The following MAD1L1 variants were observed in gnomAD, a reference collection of about 807,000 sequenced individuals.
The protein encoded by MAD1L1 is mitotic spindle assembly checkpoint protein MAD1.
In MAD1L1, 95 loss-of-function variants were observed where a neutral mutation model predicts 96.9. That is an observed-to-expected ratio of 0.98 (90% confidence interval 0.83 to 1.16). MAD1L1 has a LOEUF of 1.16. Among genes scored for constraint, MAD1L1 ranks in the 50% most tolerant of loss-of-function variants. MAD1L1 has a pLI of 0.00. For synonymous variants in MAD1L1, 473 were observed against 396.6 expected (o/e 1.19, Z -2.29); for missense variants, 1,007 against 954.4 (o/e 1.06, Z -0.73).
intron 14 of MAD1L1, among the ~76,000 whole-genome samples, chr7:1,983,476 C>G (rs993895486): frequency 2.0e-5 from 3 of 152,146 alleles, no homozygotes; most frequent in African/African-American, 4.8e-5. Flanking sequence ...GGTAACATTT[C>G]CCTAAAACGT....
chr7:1,916,794 C>G (rs993457931), intron 17 of MAD1L1, among the ~76,000 whole-genome samples: 1 of 152,124 alleles, frequency 6.6e-6, no homozygotes, highest in Non-Finnish European at 1.5e-5. Context: ...CCAGGCTGGG[C>G]TCCCAGGAAC....
intron 18 of MAD1L1, among the ~76,000 whole-genome samples, chr7:1,857,344 G>A (rs1784308460): frequency 6.6e-6 from 1 of 152,138 alleles, no homozygotes; most frequent in African/African-American, 2.4e-5. Context: ...TCGGGGGGCG[G>A]CACAAGGTAG....
intron 11 of MAD1L1, among the ~76,000 whole-genome samples, chr7:2,089,689 G>A (rs56344650): frequency 0.05 from 7,023 of 141,790 alleles, 223 homozygotes; most frequent in South Asian, 0.096. Flanking sequence ...ACCCCATCAC[G>A]TGCATCGTGT....
intron 13 of MAD1L1, among the ~76,000 whole-genome samples, chr7:2,007,991 GA>G (rs1443360708): frequency 6.6e-6 from 1 of 152,250 alleles, no homozygotes; most frequent in Non-Finnish European, 1.5e-5. Context: ...CTGTTTACGT[GA>G]AGTTCCAAGA....
intron 18 of MAD1L1, among the ~76,000 whole-genome samples, chr7:1,853,794 C>G (rs1285137511): frequency 1.3e-5 from 2 of 152,122 alleles, no homozygotes; most frequent in African/African-American, 4.8e-5. Flanking sequence ...CTCTGCACCC[C>G]CTCCCAACCT....
intron 15 of MAD1L1, among the ~76,000 whole-genome samples, chr7:1,963,425 G>C (rs767381523): frequency 2.6e-5 from 4 of 152,236 alleles, no homozygotes; most frequent in Admixed American, 2.6e-4. Context: ...GGGGTGGGGA[G>C]AGGAGGCAGG....
intron 16 of MAD1L1, among the ~76,000 whole-genome samples, chr7:1,953,409 A>G (rs1779587586): frequency 1.3e-5 from 2 of 152,224 alleles, no homozygotes; most frequent in Admixed American, 1.3e-4. Flanking sequence ...AGGGAGGAGC[A>G]GGCAGGTGGG....
chr7:2,135,822 G>C (rs553191630), intron 11 of MAD1L1, among the ~76,000 whole-genome samples: 61 of 152,380 alleles, frequency 4.0e-4, no homozygotes, highest in Middle Eastern at 6.8e-3. Flanking sequence ...CCTCAGCAGA[G>C]ACCTGAATCT....
intron 11 of MAD1L1, among the ~76,000 whole-genome samples, chr7:2,113,699 G>A (rs1189771942): frequency 3.3e-5 from 5 of 152,170 alleles, no homozygotes; most frequent in Admixed American, 2.6e-4. Context: ...CCAGGTGACC[G>A]GAGTGACCAC....
chr7:1,873,281 G>C (rs1301173028), intron 18 of MAD1L1, among the ~76,000 whole-genome samples: 2 of 152,230 alleles, frequency 1.3e-5, no homozygotes, highest in African/African-American at 2.4e-5. Flanking sequence ...GCTGGGGCGC[G>C]AGTCCGGGTC....
intron 11 of MAD1L1, among the ~76,000 whole-genome samples, chr7:2,117,566 C>T (rs970512310): frequency 2.0e-5 from 3 of 152,144 alleles, no homozygotes; most frequent in African/African-American, 7.2e-5. Context: ...AGTGAGCTCT[C>T]GAGAGAGGTG....
intron 12 of MAD1L1, among the ~76,000 whole-genome samples, chr7:2,033,886 C>T (rs1466441572): frequency 6.6e-6 from 1 of 152,234 alleles, no homozygotes; most frequent in East Asian, 1.9e-4. Flanking sequence ...AGGAGAATCA[C>T]CTGAGACCAG....
At chr7:1,957,767 TG>T (rs1562561707) in intron 15 of MAD1L1, 48 bp from the exon 16 acceptor site, 1 of 1,579,112 alleles carries the variant, frequency 6.3e-7, no homozygotes, top group Admixed American at 1.7e-5. Flanking sequence ...CCAGCCATGC[TG>T]GGGAAGTCCC....
In MAD1L1 at chr7:2,220,867, A is replaced by G. The variant is rs368607347; in HGVS notation, c.472-1411T>C. 5 of 1,592,990 alleles carry G rather than the reference A, an allele frequency of 3.1e-6. No homozygotes were observed. In the African/African-American group the frequency reaches 6.7e-5, roughly 21 times the overall value. ...ACACATCCTCCCAGAGGTCTTCCGA[A>G]CTCAATTAATACGCACCGTGTGCCA... On this transcript the variant is annotated intron_variant, in intron 5 of 18. Coordinates refer to ENST00000265854, the MANE Select transcript of MAD1L1 (RefSeq NM_001013836.2).
intron 18 of MAD1L1, among the ~76,000 whole-genome samples, chr7:1,855,446 A>G (rs1420490846): frequency 6.6e-6 from 1 of 151,950 alleles, no homozygotes; most frequent in Non-Finnish European, 1.5e-5. Context: ...TAACAGCGGG[A>G]GGAAAGGCTG....
intron 15 of MAD1L1, among the ~76,000 whole-genome samples, chr7:1,959,871 G>A (rs1583920088): frequency 6.6e-6 from 1 of 152,242 alleles, no homozygotes; most frequent in East Asian, 1.9e-4. Flanking sequence ...CAGGAGGGCT[G>A]GAACAGCAGC....
chr7:1,831,384 A>T (rs1298288011), intron 18 of MAD1L1, among the ~76,000 whole-genome samples: 2 of 152,172 alleles, frequency 1.3e-5, no homozygotes. Flanking sequence ...TCCACTGACC[A>T]GCCATCCCCC....
intron 18 of MAD1L1, among the ~76,000 whole-genome samples, chr7:1,840,119 T>A (rs183322375): frequency 3.8e-4 from 57 of 151,950 alleles, no homozygotes; most frequent in African/African-American, 1.3e-3. Flanking sequence ...GACATCAGAG[T>A]CATCCCCCAA....
At chr7:1,955,052 C>T (rs574244887) in intron 16 of MAD1L1, among the ~76,000 whole-genome samples, 6 of 152,338 alleles carry the variant, frequency 3.9e-5, no homozygotes, top group South Asian at 2.1e-4. Flanking sequence ...GCCTCAGCAC[C>T]GCGGGAGGGC....
Sources: allele counts gnomAD v4.1 joint callset (sites outside exome capture counted in the v4.1 genomes callset), GRCh38; gene constraint gnomAD v4.1.1; transcripts MANE v1.5; gene names NCBI Gene and HGNC (gene_info 2026-07-23, HGNC 2026-07-21).